The following LDB2 variants were observed in gnomAD, a reference collection of about 807,000 sequenced individuals.
LDB2 encodes the protein LIM domain binding 2.
A neutral mutation model predicts 44.3 loss-of-function variants in LDB2; 12 were observed. The observed-to-expected ratio is 0.27, with a 90% CI of 0.17 to 0.44. LDB2 has a LOEUF of 0.44. Among genes scored for constraint, LDB2 ranks in the 20% least tolerant of loss-of-function variants. The pLI is 1.00. For synonymous variants in LDB2, 164 were observed against 174.8 expected, an observed-to-expected ratio of 0.94 and a Z score of 0.49; for missense variants, 344 against 473.5, an observed-to-expected ratio of 0.73 and a Z score of 2.54.
At chr4:16,586,229 C>T (rs1162412459) in intron 4 of LDB2, among the ~76,000 whole-genome samples, 1 of 152,154 alleles carries the variant, frequency 6.6e-6, no homozygotes, top group Non-Finnish European at 1.5e-5. Context: ...AACCAAACTG[C>T]TCAGATGTGC....
rs773427848 is a variant in LDB2 at position 16,585,934 on chromosome 4, G to T, written c.603C>A (p.Leu201=). ...CGATTGATCTTACCCTGAGGTAGTT[G>T]AGGGTGAAGTTTGTTAGCCCCATCC... ...ITRMGLTNFT[L]NYLRLCVILE... The change falls in exon 5 of 8, where the codon CTC becomes CTA. Residue 201 remains leucine (L), a synonymous_variant. Coordinates refer to ENST00000304523, the MANE Select transcript of LDB2 (RefSeq NM_001290.5). 4 of 1,612,168 alleles carry T rather than the reference G, an allele frequency of 2.5e-6. No individual in the cohort carries two copies. In the African/African-American group the frequency reaches 5.3e-5, roughly 22 times the overall value.
chr4:16,628,148 T>G (rs1472327744), intron 2 of LDB2, among the ~76,000 whole-genome samples: 1 of 152,222 alleles, frequency 6.6e-6, no homozygotes, highest in African/African-American at 2.4e-5. Flanking sequence ...TGGCACATCA[T>G]GCCTAGTACC....
chr4:16,787,196 A>C (rs1774630677), intron 1 of LDB2, among the ~76,000 whole-genome samples: 1 of 152,184 alleles, frequency 6.6e-6, no homozygotes, highest in Non-Finnish European at 1.5e-5. Context: ...CGTATTGAAC[A>C]GCTATGCTGT....
intron 1 of LDB2, among the ~76,000 whole-genome samples, chr4:16,844,248 CAAAAAAAAAA>C (rs34034796): frequency 6.7e-5 from 2 of 30,060 alleles, no homozygotes; most frequent in Non-Finnish European, 1.1e-4. Context: ...ACCCTGTCTC[CAAAAAAAAAA>C]AAAAAAAAAA....
chr4:16,627,823 C>T (rs1730697822), intron 2 of LDB2, among the ~76,000 whole-genome samples: 1 of 152,200 alleles, frequency 6.6e-6, no homozygotes, highest in African/African-American at 2.4e-5. Flanking sequence ...TACAGAAAGA[C>T]TGTGGCTTCC....
At chr4:16,689,970 G>A (rs1408561964) in intron 2 of LDB2, among the ~76,000 whole-genome samples, 3 of 152,150 alleles carry the variant, frequency 2.0e-5, no homozygotes, top group Non-Finnish European at 4.4e-5. Context: ...GAAAATCCCA[G>A]TAGAAAGCAG....
At chr4:16,779,182 A>T (rs1185435034) in intron 1 of LDB2, among the ~76,000 whole-genome samples, 2 of 151,816 alleles carry the variant, frequency 1.3e-5, no homozygotes, top group Non-Finnish European at 2.9e-5. Context: ...TGGGATTTGA[A>T]CTTGTGCCAC....
At chr4:16,794,732 A>G (rs1176004481) in intron 1 of LDB2, among the ~76,000 whole-genome samples, 1 of 152,218 alleles carries the variant, frequency 6.6e-6, no homozygotes, top group Non-Finnish European at 1.5e-5. Context: ...ACACTCAACC[A>G]TTTGTTGTTT....
chr4:16,696,532 G>A (rs1384415948), intron 2 of LDB2, among the ~76,000 whole-genome samples: 1 of 152,122 alleles, frequency 6.6e-6, no homozygotes, highest in Non-Finnish European at 1.5e-5. Flanking sequence ...CTTTTAGGAA[G>A]CAGAGCTATG....
chr4:16,686,973 C>T (rs1022337520), intron 2 of LDB2, among the ~76,000 whole-genome samples: 5 of 152,076 alleles, frequency 3.3e-5, no homozygotes, highest in African/African-American at 1.2e-4. Flanking sequence ...CTACTTTCTG[C>T]TTTCCACCTC....
At chr4:16,842,922 G>C (rs914548803) in intron 1 of LDB2, among the ~76,000 whole-genome samples, 2 of 152,104 alleles carry the variant, frequency 1.3e-5, no homozygotes, top group African/African-American at 4.8e-5. Flanking sequence ...AGCTCATAAA[G>C]CCTAACACAA....
intron 2 of LDB2, among the ~76,000 whole-genome samples, chr4:16,612,008 AAC>A (rs2152465919): frequency 6.6e-6 from 1 of 152,258 alleles, no homozygotes; most frequent in Non-Finnish European, 1.5e-5. Flanking sequence ...AATAATAACA[AAC>A]AGTCTCTCAG....
Position 16,879,721 on chromosome 4 carries a change from T to C in LDB2, c.132+18633A>G, listed in dbSNP as rs557410283. Among the ~76,000 whole-genome samples, 10 of 152,292 alleles carry C rather than the reference T, an allele frequency of 6.6e-5. No homozygotes were observed. The South Asian group carries it at 1.9e-3, about 28-fold the overall frequency. Reference sequence around the variant, plus strand: ...TGGGACTTCTCAGCTTCCATAACAATGTGAGTCTAGAGCTTACAATGAATC... The same window carrying C: ...TGGGACTTCTCAGCTTCCATAACAACGTGAGTCTAGAGCTTACAATGAATC... On this transcript the variant is annotated intron_variant, in intron 1 of 7. Coordinates refer to ENST00000304523, the MANE Select transcript of LDB2 (RefSeq NM_001290.5).
At chr4:16,731,306 T>C (rs1477921740) in intron 2 of LDB2, among the ~76,000 whole-genome samples, 1 of 152,096 alleles carries the variant, frequency 6.6e-6, no homozygotes, top group African/African-American at 2.4e-5. Context: ...TATTCCGAAA[T>C]ATGGGTTCAC....
intron 2 of LDB2, among the ~76,000 whole-genome samples, chr4:16,721,642 C>A (rs1758310428): frequency 6.6e-6 from 1 of 152,074 alleles, no homozygotes; most frequent in Admixed American, 6.6e-5. Context: ...AGCAACAAAC[C>A]TAAATTGTGA....
chr4:16,517,895 A>G (rs1724423398), intron 5 of LDB2, among the ~76,000 whole-genome samples: 1 of 149,172 alleles, frequency 6.7e-6, no homozygotes, highest in Non-Finnish European at 1.5e-5. Context: ...GGATGGATGG[A>G]TGGATGGATG....
intron 2 of LDB2, among the ~76,000 whole-genome samples, chr4:16,639,873 G>A (rs1421325780): frequency 6.6e-6 from 1 of 152,220 alleles, no homozygotes; most frequent in African/African-American, 2.4e-5. Flanking sequence ...AGAGGCAATG[G>A]GCAGATGTGC....
chr4:16,793,240 C>T lies in LDB2; in HGVS notation c.133-33980G>A, dbSNP rs540856097. Reference sequence around the variant, plus strand: ...CAAGCTTTTGTGCCCTTTTTTTGGTCCTTATCGTTTAGGAGATTATATGCA... The same window carrying T: ...CAAGCTTTTGTGCCCTTTTTTTGGTTCTTATCGTTTAGGAGATTATATGCA... On this transcript the variant is annotated intron_variant, in intron 1 of 7. Transcript: ENST00000304523. Among the ~76,000 whole-genome samples the T allele has an allele frequency of 3.3e-5, 5 of 151,990 alleles. No individual in the cohort carries two copies. The South Asian group carries it at 8.3e-4, about 25-fold the overall frequency.
In LDB2 at chr4:16,707,198, A is replaced by T. The variant is rs181795999; in HGVS notation, c.235+51960T>A. Among the ~76,000 whole-genome samples, 384 of 152,316 alleles carry T rather than the reference A, an allele frequency of 2.5e-3. 1 individual carries two copies. The highest frequency in any genetic ancestry group is 4.4e-3 in the Non-Finnish European group (296 of 68,028). ...ATGTGATTATCTCAGAACCCAAAAG[A>T]CAATGTTTTGGGTCATTTTATGCCA... On this transcript the variant is annotated intron_variant, in intron 2 of 7. Transcript: ENST00000304523.
Sources: allele counts gnomAD v4.1 joint callset (sites outside exome capture counted in the v4.1 genomes callset), GRCh38; gene constraint gnomAD v4.1.1; transcripts MANE v1.5; gene names NCBI Gene and HGNC (gene_info 2026-07-23, HGNC 2026-07-21).